IL1RAPL1: variants seen among roughly 807,000 people sequenced by gnomAD.
IL1RAPL1 encodes interleukin-1 receptor accessory protein-like 1.
In IL1RAPL1, 3 loss-of-function variants were observed where a neutral mutation model predicts 48.4. The observed-to-expected ratio is 0.06, with a 90% CI of 0.03 to 0.16. IL1RAPL1 has a LOEUF of 0.16. Ranked by LOEUF, IL1RAPL1 falls within the 10% of genes least tolerant of loss-of-function variation. IL1RAPL1 has a pLI of 1.00. For synonymous variants in IL1RAPL1, 185 were observed against 187.7 expected, an observed-to-expected ratio of 0.99 and a Z score of 0.12; for missense variants, 349 against 530.6, an observed-to-expected ratio of 0.66 and a Z score of 3.36.
At position 28,704,831 on chromosome X, in the gene IL1RAPL1, C is replaced by CACA. The variant is rs1368584299; in HGVS notation, c.-24-84488_-24-84487insCAA. Among the ~76,000 whole-genome samples, 32 of 29,646 alleles carry CACA rather than the reference C, an allele frequency of 1.1e-3. No individual in the cohort carries two copies. In the South Asian group the frequency reaches 0.024, roughly 22 times the overall value. 25.7% of individuals were successfully genotyped at this position (29,646 alleles called of 115,157 possible). ...ACACACACACACACACACACACACA[C>CACA]AAAAAAAAAAAAAAAAAACTGTGAC... On this transcript the variant is annotated intron_variant, in intron 1 of 10. Transcript: ENST00000378993.
intron 1 of IL1RAPL1, among the ~76,000 whole-genome samples, chrX:28,701,198 T>C (rs1309681643): frequency 1.8e-5 from 2 of 111,596 alleles, no homozygotes; most frequent in Non-Finnish European, 3.8e-5. Context: ...ACCTCTACTC[T>C]TAAGTTATGC....
intron 5 of IL1RAPL1, among the ~76,000 whole-genome samples, chrX:29,597,341 C>T (rs374026514): frequency 1.8e-5 from 2 of 109,320 alleles, no homozygotes; most frequent in African/African-American, 6.6e-5. Flanking sequence ...TTAGTAGAGA[C>T]GGGGTTTCTC....
intron 2 of IL1RAPL1, among the ~76,000 whole-genome samples, chrX:28,832,822 ATTTT>A (rs199869467): frequency 1.2e-5 from 1 of 80,419 alleles, no homozygotes. Context: ...ATTTTTTTCA[ATTTT>A]TTTTTTTTTT....
chrX:28,963,045 A>G (rs1265211594), intron 2 of IL1RAPL1, among the ~76,000 whole-genome samples: 2 of 111,560 alleles, frequency 1.8e-5, no homozygotes, highest in Admixed American at 9.7e-5. Context: ...CAAGAAAAAT[A>G]CATGGGTAAT....
chrX:29,534,983 A>G (rs996109716), intron 5 of IL1RAPL1, among the ~76,000 whole-genome samples: 10 of 106,662 alleles, frequency 9.4e-5, no homozygotes, highest in Non-Finnish European at 1.9e-4. Flanking sequence ...AAAAAAGAGA[A>G]ATTAACCGAG....
At chrX:28,778,028 C>A (rs1293135512) in intron 1 of IL1RAPL1, among the ~76,000 whole-genome samples, 1 of 111,592 alleles carries the variant, frequency 9.0e-6, no homozygotes, top group Admixed American at 9.5e-5. Flanking sequence ...GTTTTGGCAT[C>A]ACGTGGGTCA....
intron 1 of IL1RAPL1, 91 bp from the exon 2 acceptor site, chrX:28,789,229 A>G (rs1302205628): frequency 9.6e-6 from 5 of 519,109 alleles, no homozygotes; most frequent in African/African-American, 4.7e-5. Flanking sequence ...CATTGCACCG[A>G]TCATGTTTGA....
intron 5 of IL1RAPL1, among the ~76,000 whole-genome samples, chrX:29,442,793 G>A (rs1934562635): frequency 9.1e-6 from 1 of 109,336 alleles, no homozygotes; most frequent in African/African-American, 3.3e-5. Context: ...AGGAGGTCAA[G>A]GCTGCAGTGA....
chrX:28,878,366 G>C (rs889798713), intron 2 of IL1RAPL1, among the ~76,000 whole-genome samples: 1 of 111,429 alleles, frequency 9.0e-6, no homozygotes, highest in Non-Finnish European at 1.9e-5. Flanking sequence ...TGGCATGACG[G>C]CATGATCATA....
At chrX:29,006,645 ATATGTGTGTGTGTGTGTGTG>A (rs1925987817) in intron 2 of IL1RAPL1, among the ~76,000 whole-genome samples, 1 of 80,073 alleles carries the variant, frequency 1.2e-5, no homozygotes. Context: ...GTGTTTATAT[ATATGTGTGTGTGTGTGTGTG>A]TGTGTGTGTG....
chrX:29,844,464 C>G (rs956858514), intron 6 of IL1RAPL1, among the ~76,000 whole-genome samples: 1 of 111,228 alleles, frequency 9.0e-6, no homozygotes, highest in Non-Finnish European at 1.9e-5. Flanking sequence ...CAAGTCTTAA[C>G]CCCCGGTACC....
chrX:29,924,385 G>A (rs1321919130), intron 8 of IL1RAPL1, among the ~76,000 whole-genome samples: 1 of 112,140 alleles, frequency 8.9e-6, no homozygotes, highest in Non-Finnish European at 1.9e-5. Context: ...TGGTTTGAAT[G>A]TACTGTCCTA....
intron 5 of IL1RAPL1, among the ~76,000 whole-genome samples, chrX:29,410,896 C>A (rs1297695219): frequency 9.0e-6 from 1 of 111,636 alleles, no homozygotes; most frequent in Non-Finnish European, 1.9e-5. Context: ...ATATGTTTCA[C>A]TTCTTTTGAC....
intron 3 of IL1RAPL1, among the ~76,000 whole-genome samples, chrX:29,329,062 C>A (rs962752658): frequency 9.0e-6 from 1 of 111,117 alleles, no homozygotes; most frequent in African/African-American, 3.3e-5. Flanking sequence ...ATTTATAGAT[C>A]TTACATTATC....
At chrX:29,465,999 A>C (rs1275141010) in intron 5 of IL1RAPL1, among the ~76,000 whole-genome samples, 5 of 112,635 alleles carry the variant, frequency 4.4e-5, no homozygotes, top group Non-Finnish European at 9.4e-5. Context: ...CAAATTCAGC[A>C]AATAAAAATA....
At chrX:29,490,100 A>G in intron 5 of IL1RAPL1, among the ~76,000 whole-genome samples, 1 of 111,464 alleles carries the variant, frequency 9.0e-6, no homozygotes, top group East Asian at 2.8e-4. Flanking sequence ...TCATTTTATT[A>G]TTGTATCTTT....
intron 6 of IL1RAPL1, among the ~76,000 whole-genome samples, chrX:29,677,013 G>A (rs181130473): frequency 1.8e-5 from 2 of 112,072 alleles, no homozygotes; most frequent in African/African-American, 6.5e-5. Flanking sequence ...ACATTACGTT[G>A]TAGAATATTG....
At chrX:28,889,689 G>A (rs766367471) in intron 2 of IL1RAPL1, among the ~76,000 whole-genome samples, 4 of 111,264 alleles carry the variant, frequency 3.6e-5, no homozygotes, top group African/African-American at 1.3e-4. Flanking sequence ...TAGGGCTTTC[G>A]TATTTGGCTT....
chrX:29,633,468 T>TACACACACAC (rs200222696), intron 5 of IL1RAPL1, among the ~76,000 whole-genome samples: 18 of 97,753 alleles, frequency 1.8e-4, no homozygotes, highest in African/African-American at 6.8e-4. Flanking sequence ...GATATATATA[T>TACACACACAC]ACACACACAC....
Sources: gnomAD v4.1 joint callset for allele counts (sites outside exome capture counted in the v4.1 genomes callset) on GRCh38, gnomAD v4.1.1 for gene constraint, MANE v1.5 for transcripts, NCBI Gene and HGNC (gene_info 2026-07-23, HGNC 2026-07-21) for gene names.